VKORC1L1: variants seen among roughly 807,000 people sequenced by gnomAD.
The protein encoded by VKORC1L1 is vitamin K epoxide reductase complex subunit 1-like protein 1.
A neutral mutation model predicts 18.9 loss-of-function variants in VKORC1L1; 2 were observed. The ratio of observed to expected loss-of-function variants is 0.11; its 90% CI spans 0.04 to 0.33. The LOEUF (loss-of-function observed/expected upper bound fraction) is 0.33. VKORC1L1 is among the 10% of genes least tolerant of loss of function. VKORC1L1 has a pLI of 1.00. For synonymous variants in VKORC1L1, 96 were observed against 100.0 expected, an observed-to-expected ratio of 0.96 and a Z score of 0.24; for missense variants, 123 against 224.1, an observed-to-expected ratio of 0.55 and a Z score of 2.88.
intron 1 of VKORC1L1, among the ~76,000 whole-genome samples, chr7:65,938,384 A>C (rs1351619884): frequency 6.6e-6 from 1 of 152,184 alleles, no homozygotes; most frequent in African/African-American, 2.4e-5. Flanking sequence ...GTAAAAGGAA[A>C]AAGAGGGCAA....
chr7:65,895,471 AAAAAAAAAAATATATATATATAT>A (rs1424406640), intron 1 of VKORC1L1, among the ~76,000 whole-genome samples: 1,634 of 55,944 alleles, frequency 0.029, 45 homozygotes, highest in Admixed American at 0.054. Context: ...AAAAAAAAAA[AAAAAAAAAAATATATATATATAT>A]ATATATATAT....
chr7:65,900,497 G>A (rs1014478182), intron 1 of VKORC1L1, among the ~76,000 whole-genome samples: 1 of 151,720 alleles, frequency 6.6e-6, no homozygotes, highest in Admixed American at 6.6e-5. Flanking sequence ...TCCTCTGGTT[G>A]TATACGTATA....
At chr7:65,952,092 T>C (rs1457738557) in intron 2 of VKORC1L1, among the ~76,000 whole-genome samples, 2 of 152,006 alleles carry the variant, frequency 1.3e-5, no homozygotes, top group East Asian at 3.8e-4. Context: ...GTAGGCATGA[T>C]TGTTATCCCA....
chr7:65,909,690 T>TTGTGTGTGTGTGTGTGTG (rs56074368), intron 1 of VKORC1L1, among the ~76,000 whole-genome samples: 24 of 123,842 alleles, frequency 1.9e-4, no homozygotes, highest in East Asian at 2.6e-4. Flanking sequence ...GTTTTAGCCT[T>TTGTGTGTGTGTGTGTGTG]TGTGTGTGTG....
At chr7:65,922,150 C>G (rs940108201) in intron 1 of VKORC1L1, among the ~76,000 whole-genome samples, 1 of 151,636 alleles carries the variant, frequency 6.6e-6, no homozygotes, top group African/African-American at 2.4e-5. Flanking sequence ...TATTTTAATT[C>G]TGCATATTTT....
Position 65,954,142 on chromosome 7 carries a change from C to T in VKORC1L1, c.373C>T (p.Leu125=), listed in dbSNP as rs778623539. ...TSSIMSVVGS[L]YLAYILYFVL... Reference sequence around the variant, plus strand: ...CTCCATCATGTCGGTCGTGGGGTCCCTGTACCTGGCCTACATTCTGTACTT... The same window carrying T: ...CTCCATCATGTCGGTCGTGGGGTCCTTGTACCTGGCCTACATTCTGTACTT... Residue 125 remains leucine (L), a synonymous_variant, in exon 3 of 3, where the codon CTG becomes TTG. Coordinates refer to ENST00000360768, the MANE Select transcript of VKORC1L1 (RefSeq NM_173517.6). The T allele has an allele frequency of 6.2e-7, 1 of 1,612,808 alleles. No homozygotes were observed. Among genetic ancestry groups the T allele is most frequent in the South Asian group, 1.1e-5 (1 of 91,064 alleles).
At chr7:65,947,409 A>C (rs1284948381) in intron 1 of VKORC1L1, among the ~76,000 whole-genome samples, 1 of 147,176 alleles carries the variant, frequency 6.8e-6, no homozygotes, top group African/African-American at 2.5e-5. Context: ...TTAACACCAT[A>C]ACTGGTTTTT....
intron 1 of VKORC1L1, among the ~76,000 whole-genome samples, chr7:65,921,699 T>C (rs1441607022): frequency 6.6e-6 from 1 of 152,040 alleles, no homozygotes; most frequent in Non-Finnish European, 1.5e-5. Flanking sequence ...ATACAAAAAA[T>C]TAGCCGGGCG....
chr7:65,874,366 C>G (rs951409834), intron 1 of VKORC1L1, among the ~76,000 whole-genome samples: 1 of 151,892 alleles, frequency 6.6e-6, no homozygotes, highest in Non-Finnish European at 1.5e-5. Context: ...GACTTTTAAA[C>G]GTTGTTGCCT....
intron 1 of VKORC1L1, among the ~76,000 whole-genome samples, chr7:65,942,541 T>G (rs1448815229): frequency 6.6e-6 from 1 of 151,918 alleles, no homozygotes; most frequent in Non-Finnish European, 1.5e-5. Context: ...TTTCTTTTCT[T>G]TTTTTCTTTT....
chr7:65,935,588 C>G (rs1789929821), intron 1 of VKORC1L1, among the ~76,000 whole-genome samples: 1 of 152,162 alleles, frequency 6.6e-6, no homozygotes, highest in Non-Finnish European at 1.5e-5. Flanking sequence ...GGATTACAGG[C>G]ATGAGCCACT....
chr7:65,918,395 G>A (rs567199951), intron 1 of VKORC1L1, among the ~76,000 whole-genome samples: 90 of 152,346 alleles, frequency 5.9e-4, no homozygotes, highest in Non-Finnish European at 1.1e-3. Context: ...AAAGGCATTC[G>A]TATGACCATT....
chr7:65,866,876 GGGAAGAAGAGGA>G, the VKORC1L1 span, among the ~76,000 whole-genome samples: 1 of 151,934 alleles, frequency 6.6e-6, no homozygotes. Context: ...GAGGAGGAGG[GGGAAGAAGAGGA>G]GGAAGAAAAA....
chr7:65,902,808 C>T (rs1040077959), intron 1 of VKORC1L1, among the ~76,000 whole-genome samples: 2 of 152,070 alleles, frequency 1.3e-5, no homozygotes, highest in African/African-American at 4.8e-5. Context: ...GACTTCTCAT[C>T]AGAAATTTAG....
chr7:65,906,289 G>C (rs1284645902), intron 1 of VKORC1L1, among the ~76,000 whole-genome samples: 1 of 151,908 alleles, frequency 6.6e-6, no homozygotes, highest in Non-Finnish European at 1.5e-5. Flanking sequence ...TGGGAGGATT[G>C]CTTGAGCTCA....
Position 65,955,340 on chromosome 7 carries a change from A to G in VKORC1L1, c.*1040A>G, listed in dbSNP as rs957063218. On this transcript the variant is annotated 3_prime_UTR_variant, in exon 3 of 3. Coordinates refer to ENST00000360768, the MANE Select transcript of VKORC1L1 (RefSeq NM_173517.6). Reference sequence around the variant, plus strand: ...CGGAGTGGGAGCCAGTGTTCTTGCTAATTGTTTCTTTCTGCACTAACCACT... The same window carrying G: ...CGGAGTGGGAGCCAGTGTTCTTGCTGATTGTTTCTTTCTGCACTAACCACT... The G allele has an allele frequency of 4.6e-5, 7 of 152,150 alleles. No individual in the cohort carries two copies. The highest frequency in any genetic ancestry group is 7.3e-5 in the Non-Finnish European group (5 of 68,030). 9.4% of individuals were successfully genotyped at this position (152,150 alleles called of 1,614,324 possible).
intron 1 of VKORC1L1, among the ~76,000 whole-genome samples, chr7:65,881,238 T>G (rs1005742744): frequency 6.6e-6 from 1 of 152,230 alleles, no homozygotes; most frequent in African/African-American, 2.4e-5. Context: ...CATACACCTT[T>G]GATTCACATT....
At chr7:65,920,162 C>T (rs1789652248) in intron 1 of VKORC1L1, among the ~76,000 whole-genome samples, 1 of 152,100 alleles carries the variant, frequency 6.6e-6, no homozygotes, top group African/African-American at 2.4e-5. Flanking sequence ...CCTCACCACC[C>T]GACTTCAAAT....
intron 1 of VKORC1L1, among the ~76,000 whole-genome samples, chr7:65,925,802 G>C (rs1789753212): frequency 6.6e-6 from 1 of 152,008 alleles, no homozygotes; most frequent in Non-Finnish European, 1.5e-5. Context: ...GAAACCCCAA[G>C]GAAATGAGAG....
Sources: allele counts gnomAD v4.1 joint callset (sites outside exome capture counted in the v4.1 genomes callset), GRCh38; gene constraint gnomAD v4.1.1; transcripts MANE v1.5; gene names NCBI Gene and HGNC (gene_info 2026-07-23, HGNC 2026-07-21).